Variants in ASAP1 observed in about 807,000 individuals in gnomAD.
ASAP1 encodes arf-GAP with SH3 domain, ANK repeat and PH domain-containing protein 1.
ASAP1 carries 43 observed loss-of-function variants against 145.2 expected under a neutral mutation model. The observed-to-expected ratio is 0.30, with a 90% confidence interval of 0.23 to 0.38. The LOEUF (loss-of-function observed/expected upper bound fraction) is 0.38. Ranked by LOEUF, ASAP1 falls within the 10% of genes least tolerant of loss-of-function variation. ASAP1 has a pLI of 1.00. For synonymous variants in ASAP1, 546 were observed against 515.5 expected, an observed-to-expected ratio of 1.06 and a Z score of -0.80; for missense variants, 1,018 against 1,355.3, an observed-to-expected ratio of 0.75 and a Z score of 3.91.
At chr8:130,373,765 T>C (rs1156568006) in intron 2 of ASAP1, among the ~76,000 whole-genome samples, 1 of 148,188 alleles carries the variant, frequency 6.7e-6, no homozygotes, top group East Asian at 2.0e-4. Context: ...GAGAATTGCT[T>C]GAACCCAGGA....
At chr8:130,203,734 A>C (rs1318329477) in intron 5 of ASAP1, among the ~76,000 whole-genome samples, 2 of 152,182 alleles carry the variant, frequency 1.3e-5, no homozygotes, top group African/African-American at 2.4e-5. Flanking sequence ...ATTTTCTGTT[A>C]AGAAAGGAAA....
At chr8:130,203,786 G>T (rs1816022721) in intron 5 of ASAP1, among the ~76,000 whole-genome samples, 1 of 152,292 alleles carries the variant, frequency 6.6e-6, no homozygotes, top group East Asian at 1.9e-4. Flanking sequence ...TGTACTTCCA[G>T]ATCTGGGCCT....
chr8:130,387,487 G>A (rs540846280), intron 2 of ASAP1, among the ~76,000 whole-genome samples: 1 of 150,498 alleles, frequency 6.6e-6, no homozygotes, highest in South Asian at 2.1e-4. Flanking sequence ...AATGAGCCAA[G>A]ATTACACCAC....
At chr8:130,236,331 T>A (rs977956916) in intron 4 of ASAP1, among the ~76,000 whole-genome samples, 27 of 151,942 alleles carry the variant, frequency 1.8e-4, no homozygotes, top group African/African-American at 5.1e-4. Flanking sequence ...TTTTTTTTTT[T>A]AATTTAGTTT....
intron 3 of ASAP1, among the ~76,000 whole-genome samples, chr8:130,322,879 G>GAGAC (rs1824095439): frequency 6.6e-6 from 1 of 152,192 alleles, no homozygotes; most frequent in African/African-American, 2.4e-5. Context: ...CCAGGCCAGG[G>GAGAC]AGACGCAGAA....
intron 3 of ASAP1, among the ~76,000 whole-genome samples, chr8:130,289,002 C>G (rs1821784684): frequency 6.6e-6 from 1 of 152,142 alleles, no homozygotes. Context: ...CTGGCTAACA[C>G]AGTGAAACCT....
Position 130,443,614 on chromosome 8 carries a change from C to CGGCCA in ASAP1, c.-187_-183dup, listed in dbSNP as rs1228360602. 1 of 151,294 alleles carries CGGCCA rather than the reference C, an allele frequency of 6.6e-6. No homozygotes were observed. The highest frequency in any genetic ancestry group is 1.5e-5 in the Non-Finnish European group (1 of 67,790). 9.4% of individuals were successfully genotyped at this position (151,294 alleles called of 1,614,324 possible). A position where few individuals can be genotyped will look rare whatever the true frequency, so the allele number is the denominator to read the frequency against. On this transcript the variant is annotated 5_prime_UTR_variant, in exon 1 of 30. An upstream open reading frame in the 5' UTR loses its in-frame stop. Transcript: ENST00000518721. Reference sequence around the variant, plus strand: ...AGCGCACAGTGCTCGCCCGCGGCAGCGGCCAGGCCAGGCGAGGCGCGGGAG... The same window carrying CGGCCA: ...AGCGCACAGTGCTCGCCCGCGGCAGCGGCCAGGCCAGGCCAGGCGAGGCGCGGGAG...
intron 3 of ASAP1, among the ~76,000 whole-genome samples, chr8:130,284,003 T>A (rs548672265): frequency 1.3e-5 from 2 of 152,226 alleles, no homozygotes; most frequent in Admixed American, 1.3e-4. Context: ...CACAAAAACC[T>A]TGTGGAGGAC....
At chr8:130,284,842 T>TACACACACACACACACACACAC (rs34799517) in intron 3 of ASAP1, among the ~76,000 whole-genome samples, 12 of 141,628 alleles carry the variant, frequency 8.5e-5, no homozygotes, top group African/African-American at 2.9e-4. Context: ...TTTTACACTC[T>TACACACACACACACACACACAC]ACACACACAC....
At chr8:130,353,549 T>C (rs1002597461) in intron 3 of ASAP1, among the ~76,000 whole-genome samples, 1 of 152,220 alleles carries the variant, frequency 6.6e-6, no homozygotes, top group African/African-American at 2.4e-5. Context: ...TTAGAATACC[T>C]ATTTTATGTC....
chr8:130,155,380 CGA>C (rs1174266833), intron 12 of ASAP1, among the ~76,000 whole-genome samples: 6 of 152,210 alleles, frequency 3.9e-5, no homozygotes, highest in East Asian at 1.9e-4. Flanking sequence ...CTTTTGTGTG[CGA>C]GAGAGACAGG....
chr8:130,178,920 T>C (rs1285571809), intron 9 of ASAP1, among the ~76,000 whole-genome samples: 1 of 149,442 alleles, frequency 6.7e-6, no homozygotes, highest in Non-Finnish European at 1.5e-5. Context: ...AAATGCCAAG[T>C]AAGAGAGTCA....
In ASAP1 at chr8:130,118,174, G is replaced by A. The variant is rs752125848; in HGVS notation, c.1867C>T (p.Leu623Phe). 1.9e-6 allele frequency: 3 copies of A among 1,613,494 alleles called. No homozygotes were observed. Among genetic ancestry groups the A allele is most frequent in the Non-Finnish European group, 1.7e-6 (2 of 1,179,652 alleles). Reference sequence around the variant, plus strand: ...CAAAAACGATACCAGTTTTGTACAAGGAAGTCAACCAAATGGAGAGATGTC... The same window carrying A: ...CAAAAACGATACCAGTTTTGTACAAAGAAGTCAACCAAATGGAGAGATGTC... ...DQTSLHLVDF[L>F]VQNCGNLDKQ... Residue 623 changes from leucine to phenylalanine, a missense_variant, in exon 20 of 30, where the codon CTT becomes TTT. Physicochemically the swap from Leu to Phe is conservative, Grantham distance 22. Coordinates refer to ENST00000518721, the MANE Select transcript of ASAP1 (RefSeq NM_018482.4).
At chr8:130,110,215 G>A (rs1371782734) in intron 24 of ASAP1, among the ~76,000 whole-genome samples, 1 of 152,164 alleles carries the variant, frequency 6.6e-6, no homozygotes, top group Non-Finnish European at 1.5e-5. Flanking sequence ...AGGGAAATGA[G>A]GGGGTCTCTT....
chr8:130,168,127 A>AATAC (rs1378868810), intron 10 of ASAP1, among the ~76,000 whole-genome samples: 1 of 152,174 alleles, frequency 6.6e-6, no homozygotes, highest in South Asian at 2.1e-4. Flanking sequence ...AATCAGAAAA[A>AATAC]ATACATAGCT....
At chr8:130,180,907 T>TAAAAAAAA in intron 7 of ASAP1, 27 bp from the exon 8 acceptor site, 1 of 1,323,032 alleles carries the variant, frequency 7.6e-7, no homozygotes, top group Non-Finnish European at 1.0e-6. Flanking sequence ...TGTCATTATT[T>TAAAAAAAA]AAAAAAAAAA....
At chr8:130,400,402 C>CT (rs1456093652) in intron 2 of ASAP1, among the ~76,000 whole-genome samples, 3 of 151,944 alleles carry the variant, frequency 2.0e-5, no homozygotes, top group Admixed American at 6.6e-5. Flanking sequence ...GACTCTTCAT[C>CT]ATGTGTCCCT....
intron 27 of ASAP1, among the ~76,000 whole-genome samples, chr8:130,065,671 T>C (rs1023845319): frequency 2.6e-5 from 4 of 152,234 alleles, no homozygotes; most frequent in Non-Finnish European, 4.4e-5. Context: ...AGATCCCTTA[T>C]ACCAAAACAA....
intron 24 of ASAP1, among the ~76,000 whole-genome samples, chr8:130,097,331 G>A (rs1298894809): frequency 1.3e-5 from 2 of 151,874 alleles, no homozygotes; most frequent in African/African-American, 4.8e-5. Flanking sequence ...CTGTTCTCCA[G>A]GGGTTCTAAA....
Sources: allele counts gnomAD v4.1 joint callset (sites outside exome capture counted in the v4.1 genomes callset), GRCh38; gene constraint gnomAD v4.1.1; transcripts MANE v1.5; gene names NCBI Gene and HGNC (gene_info 2026-07-23, HGNC 2026-07-21).